The following IFT81 variants were observed in gnomAD, a reference collection of about 807,000 sequenced individuals.
IFT81 encodes the protein intraflagellar transport 81, also known as intraflagellar transport protein 81 homolog.
Under a neutral mutation model 102.6 loss-of-function variants are expected in IFT81, and 72 were observed. The observed-to-expected ratio is 0.70, with a 90% CI of 0.58 to 0.85. The LOEUF is 0.85. IFT81 is among the 40% of genes least tolerant of loss of function. The probability of loss-of-function intolerance (pLI) is 0.00; values close to 1 mark genes in which losing one functional copy is unlikely to be tolerated. For missense variants in IFT81, 723 were observed against 787.3 expected (o/e 0.92, Z 0.98); for synonymous variants, 237 against 242.7 (o/e 0.98, Z 0.22).
chr12:110,130,786 A>T (rs968695124), intron 4 of IFT81, among the ~76,000 whole-genome samples: 1 of 151,942 alleles, frequency 6.6e-6, no homozygotes, highest in Admixed American at 6.6e-5. Context: ...GTATATACAT[A>T]TACATATATA....
chr12:110,139,199 T>A (rs898855652), intron 8 of IFT81, among the ~76,000 whole-genome samples: 2 of 151,020 alleles, frequency 1.3e-5, no homozygotes, highest in Non-Finnish European at 2.9e-5. Context: ...TAGCCAGGTG[T>A]GGTGGTGCAC....
chr12:110,149,657 C>T (rs1195354205), intron 10 of IFT81, among the ~76,000 whole-genome samples: 22 of 152,118 alleles, frequency 1.4e-4, no homozygotes, highest in Admixed American at 1.4e-3. Flanking sequence ...AGTCAGGCCG[C>T]CGAGTGGCCT....
intron 18 of IFT81, among the ~76,000 whole-genome samples, chr12:110,215,614 A>G (rs1425031642): frequency 6.7e-6 from 1 of 149,280 alleles, no homozygotes; most frequent in Non-Finnish European, 1.5e-5. Flanking sequence ...GGCATGTGCC[A>G]CCATACACAA....
intron 18 of IFT81, chr12:110,216,693 T>A (rs1593385230): frequency 4.7e-6 from 2 of 429,070 alleles, no homozygotes; most frequent in Non-Finnish European, 9.2e-6. Flanking sequence ...GTATTTCATA[T>A]TTTTGTATTT....
At chr12:110,184,488 C>T (rs1453612052) in intron 12 of IFT81, among the ~76,000 whole-genome samples, 2 of 152,172 alleles carry the variant, frequency 1.3e-5, no homozygotes, top group African/African-American at 4.8e-5. Flanking sequence ...ATGCCAGAAA[C>T]ATTACACCGT....
chr12:110,169,023 C>CCCTCCCTTCCTTCCTT (rs1555264538), intron 11 of IFT81: 1 of 115,334 alleles, frequency 8.7e-6, no homozygotes, highest in African/African-American at 3.5e-5. Context: ...TTTCCTTCCT[C>CCCTCCCTTCCTTCCTT]CCTTCCTTCC....
At chr12:110,141,316 G>A (rs537622818) in intron 8 of IFT81, among the ~76,000 whole-genome samples, 45 of 152,278 alleles carry the variant, frequency 3.0e-4, no homozygotes, top group African/African-American at 1.1e-3. Flanking sequence ...GGGATTACAG[G>A]TGTGAGACAC....
intron 17 of IFT81, among the ~76,000 whole-genome samples, chr12:110,205,904 A>G (rs1383088947): frequency 6.6e-6 from 1 of 152,214 alleles, no homozygotes; most frequent in Non-Finnish European, 1.5e-5. Flanking sequence ...GATAAAATAT[A>G]TAAAATTTGC....
chr12:110,196,029 T>C (rs921462427), intron 14 of IFT81, among the ~76,000 whole-genome samples: 2 of 152,200 alleles, frequency 1.3e-5, no homozygotes, highest in African/African-American at 4.8e-5. Context: ...CAGATCAGGC[T>C]TATAAAAGCG....
chr12:110,194,494 G>A (rs967891205), intron 14 of IFT81, among the ~76,000 whole-genome samples: 8 of 151,246 alleles, frequency 5.3e-5, no homozygotes, highest in African/African-American at 1.9e-4. Flanking sequence ...GGCTAGTCTC[G>A]AACTCCTGGG....
chr12:110,136,736 A>G, intron 7 of IFT81, 40 bp from the exon 8 acceptor site: 1 of 1,237,710 alleles, frequency 8.1e-7, no homozygotes, highest in Non-Finnish European at 1.2e-6. Context: ...GGTAAGCTTC[A>G]GTAGACTAAG....
chr12:110,187,119 A>G (rs561543222), intron 12 of IFT81, among the ~76,000 whole-genome samples: 2 of 152,128 alleles, frequency 1.3e-5, no homozygotes, highest in South Asian at 4.1e-4. Context: ...TCTCAGTTTT[A>G]GAATTTCCAT....
chr12:110,164,374 T>G (rs1297201583), intron 11 of IFT81, among the ~76,000 whole-genome samples: 5 of 152,030 alleles, frequency 3.3e-5, no homozygotes, highest in African/African-American at 1.2e-4. Context: ...ATATCTTAGT[T>G]TAGTGCTTTT....
chr12:110,149,270 G>A (rs925512850), intron 10 of IFT81, among the ~76,000 whole-genome samples: 11 of 152,158 alleles, frequency 7.2e-5, no homozygotes, highest in Admixed American at 2.6e-4. Context: ...TGTCCCCATC[G>A]CAGGGCATGT....
At chr12:110,133,126 A>G (rs1367627780) in intron 5 of IFT81, among the ~76,000 whole-genome samples, 1 of 151,476 alleles carries the variant, frequency 6.6e-6, no homozygotes, top group Non-Finnish European at 1.5e-5. Flanking sequence ...ATGCGCCACC[A>G]TGCCCAGCTA....
intron 8 of IFT81, among the ~76,000 whole-genome samples, chr12:110,140,050 A>T (rs1261705046): frequency 6.6e-6 from 1 of 151,924 alleles, no homozygotes; most frequent in East Asian, 1.9e-4. Flanking sequence ...TAGGTGACAG[A>T]GTAAGACTTT....
At chr12:110,185,726 T>C (rs574854576) in intron 12 of IFT81, among the ~76,000 whole-genome samples, 12 of 152,058 alleles carry the variant, frequency 7.9e-5, no homozygotes, top group Non-Finnish European at 1.8e-4. Context: ...CCCAAGTACC[T>C]GGGACTACAG....
intron 10 of IFT81, among the ~76,000 whole-genome samples, chr12:110,148,102 C>A (rs531616908): frequency 3.0e-4 from 45 of 152,076 alleles, no homozygotes; most frequent in African/African-American, 1.1e-3. Context: ...CTCTTTTAAT[C>A]CATATGTTCT....
chr12:110,125,939 G>A (rs932146617), intron 1 of IFT81, among the ~76,000 whole-genome samples: 1 of 152,120 alleles, frequency 6.6e-6, no homozygotes, highest in African/African-American at 2.4e-5. Context: ...ACACAGATAC[G>A]GAATTTACAG....
Sources: gnomAD v4.1 joint callset for allele counts (sites outside exome capture counted in the v4.1 genomes callset) on GRCh38, gnomAD v4.1.1 for gene constraint, MANE v1.5 for transcripts, NCBI Gene and HGNC (gene_info 2026-07-23, HGNC 2026-07-21) for gene names.